BCL2L13: variants seen among roughly 807,000 people sequenced by gnomAD.
BCL2L13 encodes bcl-2-like protein 13.
BCL2L13 carries 13 observed loss-of-function variants against 25.8 expected under a neutral mutation model. The ratio of observed to expected loss-of-function variants is 0.50; its 90% CI spans 0.33 to 0.80. The LOEUF is 0.80. Among genes scored for constraint, BCL2L13 ranks in the 30% least tolerant of loss-of-function variants. BCL2L13 has a pLI of 0.02. For missense variants in BCL2L13, 504 were observed against 574.9 expected, an observed-to-expected ratio of 0.88 and a Z score of 1.26; for synonymous variants, 244 against 230.3, an observed-to-expected ratio of 1.06 and a Z score of -0.54.
chr22:17,682,503 T>A (rs1048390498), intron 2 of BCL2L13, among the ~76,000 whole-genome samples: 1 of 152,210 alleles, frequency 6.6e-6, no homozygotes, highest in Non-Finnish European at 1.5e-5. Flanking sequence ...CACTGAAATA[T>A]TAATAGCATG....
At position 17,631,692 on chromosome 22, in the gene BCL2L13, ATATATATATATATATTTTTTTTTTTTTT is replaced by A. The variant is rs1568903826; in HGVS notation, c.-650+2689_-650+2716del. Among the ~76,000 whole-genome samples, 14 of 57,586 alleles carry A rather than the reference ATATATATATATATATTTTTTTTTTTTTT, an allele frequency of 2.4e-4. 2 individuals carry two copies. Among genetic ancestry groups the A allele is most frequent in the Admixed American group, 8.4e-4 (3 of 3,562 alleles). 37.8% of individuals were successfully genotyped at this position (57,586 alleles called of 152,430 possible). A position where few individuals can be genotyped will look rare whatever the true frequency, so the allele number is the denominator to read the frequency against. ...TGTGTATATATATATATATATATAT[ATATATATATATATATTTTTTTTTTTTTT>A]TTTTTTTTTTTTTTTTTTGAGATGG... On this transcript the variant is annotated intron_variant, in intron 1 of 6. Transcript: ENST00000399782.
intron 5 of BCL2L13, among the ~76,000 whole-genome samples, chr22:17,697,931 C>T (rs899406114): frequency 5.3e-5 from 8 of 151,994 alleles, no homozygotes; most frequent in African/African-American, 1.2e-4. Flanking sequence ...CAGGTTCAAG[C>T]GATTCTCCCA....
intron 2 of BCL2L13, among the ~76,000 whole-genome samples, chr22:17,673,332 G>A (rs2059472615): frequency 6.7e-6 from 1 of 150,316 alleles, no homozygotes; most frequent in African/African-American, 2.4e-5. Context: ...TTTGCCTGAT[G>A]CAATATGACT....
chr22:17,720,278 C>T (rs1383108775), intron 6 of BCL2L13, among the ~76,000 whole-genome samples: 1 of 152,098 alleles, frequency 6.6e-6, no homozygotes, highest in Non-Finnish European at 1.5e-5. Flanking sequence ...AAGTGATTCT[C>T]CCACCTCAGC....
intron 2 of BCL2L13, among the ~76,000 whole-genome samples, chr22:17,669,029 T>TG (rs2059329876): frequency 9.3e-6 from 1 of 108,106 alleles, no homozygotes; most frequent in Non-Finnish European, 1.9e-5. Flanking sequence ...CCTGTTTCTT[T>TG]CTTTTTTTTT....
intron 2 of BCL2L13, among the ~76,000 whole-genome samples, chr22:17,669,398 A>T (rs1213179505): frequency 6.6e-6 from 1 of 152,162 alleles, no homozygotes; most frequent in East Asian, 1.9e-4. Context: ...GAGGGCCTCA[A>T]ACTGCTTCCA....
chr22:17,652,328 GT>G (rs1193683958), intron 1 of BCL2L13, among the ~76,000 whole-genome samples: 1 of 152,112 alleles, frequency 6.6e-6, no homozygotes, highest in Non-Finnish European at 1.5e-5. Context: ...GTGAACCACT[GT>G]TCCCAGCCAC....
intron 2 of BCL2L13, among the ~76,000 whole-genome samples, chr22:17,673,632 C>T (rs1214610476): frequency 6.6e-6 from 1 of 151,728 alleles, no homozygotes; most frequent in Non-Finnish European, 1.5e-5. Flanking sequence ...CTGCCTCGGC[C>T]TCCCAAAGTG....
At position 17,728,027 on chromosome 22, in the gene BCL2L13, T is replaced by A. The variant is rs941430793; in HGVS notation, c.*493T>A. On this transcript the variant is annotated 3_prime_UTR_variant, in exon 7 of 7. Transcript: ENST00000317582. ...GATAGAAATTCCCAGCTGAGAGAAC[T>A]TAGCTGTGGGCTCCTCAGCTACTGA... The A allele has an allele frequency of 1.2e-5, 2 of 161,178 alleles. No individual in the cohort carries two copies. The highest frequency in any genetic ancestry group is 2.8e-5 in the Non-Finnish European group (2 of 71,580). 10.0% of individuals were successfully genotyped at this position (161,178 alleles called of 1,614,324 possible).
chr22:17,685,011 A>G (rs759780768), intron 3 of BCL2L13, among the ~76,000 whole-genome samples: 5 of 152,102 alleles, frequency 3.3e-5, no homozygotes, highest in Non-Finnish European at 5.9e-5. Context: ...CTGGGATTAC[A>G]GGCATGAGCC....
chr22:17,640,834 A>G (rs959249612), intron 1 of BCL2L13, among the ~76,000 whole-genome samples: 24 of 151,814 alleles, frequency 1.6e-4, no homozygotes, highest in South Asian at 4.1e-4. Context: ...AGTCTGGATG[A>G]CAGAGACCCT....
At chr22:17,693,707 G>A (rs2060183652) in intron 4 of BCL2L13, among the ~76,000 whole-genome samples, 1 of 150,980 alleles carries the variant, frequency 6.6e-6, no homozygotes, top group Admixed American at 6.6e-5. Flanking sequence ...CTCTGCAAAA[G>A]CAAGACTCCT....
intron 2 of BCL2L13, among the ~76,000 whole-genome samples, chr22:17,669,482 G>A (rs924244821): frequency 1.3e-5 from 2 of 152,168 alleles, no homozygotes; most frequent in Admixed American, 1.3e-4. Flanking sequence ...GAATAGGAAG[G>A]GAGGTGCCAT....
intron 2 of BCL2L13, among the ~76,000 whole-genome samples, chr22:17,676,041 A>C (rs1194765022): frequency 1.3e-5 from 2 of 152,278 alleles, no homozygotes; most frequent in African/African-American, 4.8e-5. Flanking sequence ...ATAAGGGGCC[A>C]GGAAAGATAA....
upstream of BCL2L13, chr22:17,638,581 G>A (rs891544278): frequency 1.1e-6 from 1 of 893,118 alleles, no homozygotes. Context: ...ACTTCCGAAC[G>A]TCGCAATCAG....
intron 6 of BCL2L13, among the ~76,000 whole-genome samples, chr22:17,705,113 T>TA (rs35392405): frequency 0.5 from 74,067 of 149,282 alleles, 19,104 homozygotes; most frequent in East Asian, 0.82. Flanking sequence ...TTTGATTGAT[T>TA]AAAAAAAAAA....
At chr22:17,639,196 C>T (rs1048405252) in intron 1 of BCL2L13, among the ~76,000 whole-genome samples, 2 of 152,220 alleles carry the variant, frequency 1.3e-5, no homozygotes, top group Non-Finnish European at 2.9e-5. Context: ...CAGACAGCTT[C>T]ACGTGGAAAA....
At chr22:17,631,698 ATATATATAT>A (rs2058029536) in intron 1 of BCL2L13, among the ~76,000 whole-genome samples, 2 of 28,862 alleles carry the variant, frequency 6.9e-5, no homozygotes, top group Non-Finnish European at 1.4e-4. Flanking sequence ...ATATATATAT[ATATATATAT>A]TTTTTTTTTT....
Position 17,680,137 on chromosome 22 carries a change from C to T in BCL2L13, c.122-3077C>T, listed in dbSNP as rs975774932. 5.4e-5 allele frequency among the ~76,000 whole-genome samples: 8 copies of T among 148,518 alleles called. No homozygotes were observed. In the East Asian group the frequency reaches 1.6e-3, roughly 30 times the overall value. On this transcript the variant is annotated intron_variant, in intron 2 of 6. Coordinates refer to ENST00000317582, the MANE Select transcript of BCL2L13 (RefSeq NM_015367.4). Reference sequence around the variant, plus strand: ...GGTGAGGCAGGAGAATTGCTTGAACCCCGGGGGGCGGAGGTTGCAGTCAGC... The same window carrying T: ...GGTGAGGCAGGAGAATTGCTTGAACTCCGGGGGGCGGAGGTTGCAGTCAGC...
Sources: allele counts gnomAD v4.1 joint callset (sites outside exome capture counted in the v4.1 genomes callset), GRCh38; gene constraint gnomAD v4.1.1; transcripts MANE v1.5; gene names NCBI Gene and HGNC (gene_info 2026-07-23, HGNC 2026-07-21).